The following ABLIM1 variants were observed in gnomAD, a reference collection of about 807,000 sequenced individuals.
ABLIM1 encodes the protein actin binding LIM protein 1, also known as actin-binding LIM protein 1.
A neutral mutation model predicts 107.0 loss-of-function variants in ABLIM1; 40 were observed. The observed-to-expected ratio is 0.37, with a 90% CI of 0.29 to 0.49. The LOEUF (loss-of-function observed/expected upper bound fraction) is 0.49, where lower values mean the gene tolerates loss of function less well. ABLIM1 is among the 20% of genes least tolerant of loss of function. ABLIM1 has a pLI of 0.97. For synonymous variants in ABLIM1, 357 were observed against 357.3 expected (o/e 1.00, Z 0.01); for missense variants, 857 against 1,008.5 (o/e 0.85, Z 2.04).
chr10:114,717,978 G>GAAAT (rs2081715769), intron 1 of ABLIM1, among the ~76,000 whole-genome samples: 2 of 102,588 alleles, frequency 1.9e-5, no homozygotes, highest in Non-Finnish European at 1.9e-5. Flanking sequence ...AAGGGAAAGA[G>GAAAT]AAAGAAAGAA....
chr10:114,720,104 A>G (rs1306695989), intron 1 of ABLIM1, among the ~76,000 whole-genome samples: 1 of 152,020 alleles, frequency 6.6e-6, no homozygotes, highest in Non-Finnish European at 1.5e-5. Flanking sequence ...GCTCCCATTT[A>G]TAAGTGAAAA....
chr10:114,515,607 TC>T (rs1315517281), intron 6 of ABLIM1, among the ~76,000 whole-genome samples: 1 of 152,128 alleles, frequency 6.6e-6, no homozygotes, highest in Non-Finnish European at 1.5e-5. Context: ...TTGACTTGTG[TC>T]CCCCAAAAAG....
At chr10:114,664,263 G>A (rs959106461) in intron 1 of ABLIM1, among the ~76,000 whole-genome samples, 1 of 152,164 alleles carries the variant, frequency 6.6e-6, no homozygotes. Flanking sequence ...GAGACTGTGA[G>A]CTAACTAAAA....
chr10:114,509,597 A>T lies in ABLIM1; in HGVS notation c.895-17719T>A, dbSNP rs946621065. Among the ~76,000 whole-genome samples, 29 of 152,166 alleles carry T rather than the reference A, an allele frequency of 1.9e-4. 1 individual carries two copies. The highest frequency in any genetic ancestry group is 1.9e-3 in the Admixed American group (29 of 15,282). On this transcript the variant is annotated intron_variant, in intron 6 of 22. Transcript: ENST00000533213. ...TGTAGATCACAATACTCTGGATAAAAAGACCTGAATGTCTTCCCATTGCCT... is the reference window on the plus strand; with the variant it reads ...TGTAGATCACAATACTCTGGATAAATAGACCTGAATGTCTTCCCATTGCCT...
intron 1 of ABLIM1, among the ~76,000 whole-genome samples, chr10:114,698,472 A>G (rs930470307): frequency 1.3e-5 from 2 of 151,972 alleles, no homozygotes; most frequent in Admixed American, 1.3e-4. Flanking sequence ...TAGGAGTTCC[A>G]AAAAGAGAGG....
At chr10:114,626,832 T>C (rs1229828898) in intron 1 of ABLIM1, among the ~76,000 whole-genome samples, 1 of 152,166 alleles carries the variant, frequency 6.6e-6, no homozygotes, top group East Asian at 1.9e-4. Flanking sequence ...ACTGGTGTCC[T>C]TTTAAAAAGG....
intron 1 of ABLIM1, among the ~76,000 whole-genome samples, chr10:114,741,070 G>A (rs1033249060): frequency 1.3e-5 from 2 of 151,328 alleles, no homozygotes; most frequent in Admixed American, 6.6e-5. Context: ...AAAAAGTTGT[G>A]TTTCTGCTTC....
At chr10:114,586,713 A>G (rs1262340147) in intron 2 of ABLIM1, among the ~76,000 whole-genome samples, 1 of 152,194 alleles carries the variant, frequency 6.6e-6, no homozygotes, top group East Asian at 1.9e-4. Flanking sequence ...AATAAATGGC[A>G]CATCTATCCA....
At chr10:114,613,626 A>G (rs930648651) in intron 1 of ABLIM1, 11 of 1,278,622 alleles carry the variant, frequency 8.6e-6, no homozygotes, top group South Asian at 1.2e-5. Context: ...TTGCTCTTGC[A>G]CTGTGAATAA....
chr10:114,523,595 A>C (rs1285747321), intron 6 of ABLIM1, among the ~76,000 whole-genome samples: 1 of 152,062 alleles, frequency 6.6e-6, no homozygotes, highest in African/African-American at 2.4e-5. Context: ...TGAAGGCCCA[A>C]ATTCTACAAC....
chr10:114,571,538 G>T, intron 3 of ABLIM1, 132 bp from the exon 4 acceptor site: 1 of 841,752 alleles, frequency 1.2e-6, no homozygotes, highest in Non-Finnish European at 1.9e-6. Context: ...CTGAAATGCA[G>T]TCATAACCAA....
chr10:114,637,057 AAG>A (rs1410749679), intron 1 of ABLIM1, among the ~76,000 whole-genome samples: 4 of 145,312 alleles, frequency 2.8e-5, no homozygotes, highest in Middle Eastern at 3.5e-3. Context: ...AAAAAAAAAA[AAG>A]AGTGTGGAGG....
Position 114,465,754 on chromosome 10 carries a change from C to T in ABLIM1, c.1385G>A (p.Ser462Asn), listed in dbSNP as rs190233853. The T allele has an allele frequency of 2.9e-5, 46 of 1,613,978 alleles. No individual in the cohort carries two copies. The East Asian group carries it at 1.0e-3, about 36-fold the overall frequency. ...CGTGGTTGGAGTGTAGCTGTGGCGG[C>T]TGTACACAGGGGAGTTGATGGAGCC... ...SQGSINSPVYSRHSYTPTTSR... is the reference protein window; with the variant it reads ...SQGSINSPVYNRHSYTPTTSR... The change falls in exon 12 of 23, where the codon AGC becomes AAC. Residue 462 changes from serine (S) to asparagine (N), a missense_variant. Physicochemically the swap from Ser to Asn is conservative, Grantham distance 46. Coordinates refer to ENST00000533213, the MANE Select transcript of ABLIM1 (RefSeq NM_002313.7).
At chr10:114,474,378 A>C (rs544492236) in intron 8 of ABLIM1, among the ~76,000 whole-genome samples, 15 of 137,216 alleles carry the variant, frequency 1.1e-4, no homozygotes, top group South Asian at 9.0e-4. Flanking sequence ...CAATGGATAG[A>C]GAGACCTTTT....
At position 114,594,680 on chromosome 10, in the gene ABLIM1, G is replaced by A. The variant is rs568941219; in HGVS notation, c.379+7147C>T. On this transcript the variant is annotated intron_variant, in intron 2 of 22. Transcript: ENST00000533213. ...CAGGGGAATCGTTTGAACCTGGGAGGTGGAGGTTGCAGTGAGCCAAGACTG... is the reference window on the plus strand; with the variant it reads ...CAGGGGAATCGTTTGAACCTGGGAGATGGAGGTTGCAGTGAGCCAAGACTG... Among the ~76,000 whole-genome samples the A allele has an allele frequency of 2.0e-5, 3 of 152,330 alleles. No individual in the cohort carries two copies. In the South Asian group the frequency reaches 6.2e-4, roughly 32 times the overall value.
chr10:114,488,580 C>T (rs916794869), intron 7 of ABLIM1, among the ~76,000 whole-genome samples: 7 of 152,154 alleles, frequency 4.6e-5, no homozygotes, highest in African/African-American at 1.4e-4. Flanking sequence ...CAAAAATTGC[C>T]TTTGGCCTTC....
chr10:114,458,983 T>C (rs2063343201), intron 12 of ABLIM1, among the ~76,000 whole-genome samples: 1 of 152,152 alleles, frequency 6.6e-6, no homozygotes, highest in South Asian at 2.1e-4. Context: ...CAACCAACAA[T>C]GGATGTTATG....
intron 12 of ABLIM1, among the ~76,000 whole-genome samples, chr10:114,453,828 A>G (rs1316073689): frequency 6.6e-6 from 1 of 152,190 alleles, no homozygotes; most frequent in Admixed American, 6.5e-5. Context: ...ATTCAGGATC[A>G]GTTGTCAGGT....
intron 1 of ABLIM1, among the ~76,000 whole-genome samples, chr10:114,729,718 T>G (rs1171173509): frequency 6.6e-6 from 1 of 152,124 alleles, no homozygotes; most frequent in Non-Finnish European, 1.5e-5. Context: ...TACTGAAGTT[T>G]GCTAGGCAAA....
Sources: gnomAD v4.1 joint callset for allele counts (sites outside exome capture counted in the v4.1 genomes callset) on GRCh38, gnomAD v4.1.1 for gene constraint, MANE v1.5 for transcripts, NCBI Gene and HGNC (gene_info 2026-07-23, HGNC 2026-07-21) for gene names.